Variants in ALDH1A1 observed in about 807,000 individuals in gnomAD.
ALDH1A1 encodes aldehyde dehydrogenase 1A1.
Under a neutral mutation model 62.1 loss-of-function variants are expected in ALDH1A1, and 19 were observed. That is an observed-to-expected ratio of 0.31 (90% CI 0.21 to 0.45). The LOEUF is 0.45. ALDH1A1 is among the 20% of genes least tolerant of loss of function. The pLI is 1.00. For synonymous variants in ALDH1A1, 231 were observed against 215.9 expected (o/e 1.07, Z -0.61); for missense variants, 521 against 607.1 (o/e 0.86, Z 1.49).
At chr9:72,936,667 G>A (rs1830350606) in intron 2 of ALDH1A1, among the ~76,000 whole-genome samples, 1 of 152,120 alleles carries the variant, frequency 6.6e-6, no homozygotes, top group South Asian at 2.1e-4. Flanking sequence ...ATGGCTTATA[G>A]GGCACAGGCT....
At position 72,930,311 on chromosome 9, in the gene ALDH1A1, AT is replaced by A. The variant is rs200410298; in HGVS notation, c.312+567del. Among the ~76,000 whole-genome samples the A allele has an allele frequency of 1.6e-4, 24 of 152,162 alleles. No individual in the cohort carries two copies. The East Asian group carries it at 1.9e-3, about 12-fold the overall frequency. On this transcript the variant is annotated intron_variant, in intron 3 of 12. Transcript: ENST00000297785. ...TTTGATAAACCACATTAATAATTGG[AT>A]TTTTTTTATTTTTTGCCTCTTTCAT...
Position 72,922,991 on chromosome 9 carries a change from A to G in ALDH1A1, c.747+1028T>C, listed in dbSNP as rs557519788. Reference sequence around the variant, plus strand: ...TGATTTTCCACCATTTCTTTTTGCTATGTAAATTTGCCTTTATTCTGGAGT... The same window carrying G: ...TGATTTTCCACCATTTCTTTTTGCTGTGTAAATTTGCCTTTATTCTGGAGT... On this transcript the variant is annotated intron_variant, in intron 7 of 12. Coordinates refer to ENST00000297785, the MANE Select transcript of ALDH1A1 (RefSeq NM_000689.5). 8.5e-5 allele frequency among the ~76,000 whole-genome samples: 13 copies of G among 152,314 alleles called. No homozygotes were observed. The South Asian group carries it at 2.1e-3, about 24-fold the overall frequency.
intron 1 of ALDH1A1, among the ~76,000 whole-genome samples, chr9:72,941,804 A>T (rs1830418682): frequency 6.6e-6 from 1 of 152,180 alleles, no homozygotes; most frequent in African/African-American, 2.4e-5. Flanking sequence ...CATACAAGAA[A>T]ACAGCATTAT....
chr9:72,930,759 AT>A, intron 3 of ALDH1A1, 119 bp downstream of exon 3: 3 of 1,209,740 alleles, frequency 2.5e-6, no homozygotes, highest in Middle Eastern at 2.7e-4. Flanking sequence ...GGGACAAAAA[AT>A]GTTTTCATTT....
intron 7 of ALDH1A1, among the ~76,000 whole-genome samples, chr9:72,920,669 T>G (rs953061665): frequency 1.3e-5 from 2 of 152,210 alleles, no homozygotes; most frequent in African/African-American, 4.8e-5. Flanking sequence ...CAAGTTTAGA[T>G]GGCAAATAAA....
At chr9:72,921,131 C>T (rs373402034) in intron 7 of ALDH1A1, among the ~76,000 whole-genome samples, 2 of 151,580 alleles carry the variant, frequency 1.3e-5, no homozygotes, top group Admixed American at 1.3e-4. Flanking sequence ...CCTGTAGTCC[C>T]AGCTACTCGG....
intron 2 of ALDH1A1, among the ~76,000 whole-genome samples, chr9:72,937,706 T>A (rs557070763): frequency 6.6e-6 from 1 of 152,234 alleles, no homozygotes; most frequent in South Asian, 2.1e-4. Context: ...AAGTTGAAAG[T>A]CTTAAGTTAA....
chr9:72,900,957 A>G lies in ALDH1A1; in HGVS notation c.*251T>C. The G allele has an allele frequency of 3.0e-6, 1 of 331,128 alleles. No individual in the cohort carries two copies. The highest frequency in any genetic ancestry group is 8.6e-4 in the Middle Eastern group (1 of 1,158). The allele number at this position is 331,128 out of a possible 1,614,324, so 20.5% of individuals were successfully genotyped here. Reference sequence around the variant, plus strand: ...AATCACATAACTATGACAAAGCTAGAGAGATCATACATCCGAATTTGTCTT... The same window carrying G: ...AATCACATAACTATGACAAAGCTAGGGAGATCATACATCCGAATTTGTCTT... On this transcript the variant is annotated 3_prime_UTR_variant, in exon 13 of 13. Coordinates refer to ENST00000297785, the MANE Select transcript of ALDH1A1 (RefSeq NM_000689.5).
At chr9:72,909,581 C>T in intron 11 of ALDH1A1, 21 bp downstream of exon 11, 1 of 1,591,902 alleles carries the variant, frequency 6.3e-7, no homozygotes, top group Non-Finnish European at 8.5e-7. Context: ...GAAAAGGCTA[C>T]ATTCCTTAGG....
At chr9:72,922,893 C>T (rs1244540180) in intron 7 of ALDH1A1, among the ~76,000 whole-genome samples, 2 of 152,112 alleles carry the variant, frequency 1.3e-5, no homozygotes, top group Non-Finnish European at 2.9e-5. Flanking sequence ...TTTTACTCTA[C>T]GTCTGTGAAA....
chr9:72,906,311 T>C (rs1264922163), intron 11 of ALDH1A1, among the ~76,000 whole-genome samples: 1 of 152,180 alleles, frequency 6.6e-6, no homozygotes. Flanking sequence ...TTATAAAAGA[T>C]AGAATAGTCA....
rs767412568 is a variant in ALDH1A1 at position 72,926,936 on chromosome 9, G to A, written c.504+180C>T. On this transcript the variant is annotated intron_variant, in intron 5 of 12. Transcript: ENST00000297785. ...TATGCCAGAATATAGATAGGTTTTC[G>A]GACTACCTAATTCATATGCAAGAAG... is the stretch of plus-strand genomic sequence containing the variant. 49 of 488,096 alleles carry A rather than the reference G, an allele frequency of 1.0e-4. 1 individual carries two copies. Among genetic ancestry groups the A allele is most frequent in the African/African-American group, 1.9e-4 (10 of 51,452 alleles). 30.2% of individuals were successfully genotyped at this position (488,096 alleles called of 1,614,324 possible). A position where few individuals can be genotyped will look rare whatever the true frequency, so the allele number is the denominator to read the frequency against.
chr9:72,905,867 T>A, intron 12 of ALDH1A1, 91 bp downstream of exon 12: 1 of 1,080,776 alleles, frequency 9.3e-7, no homozygotes, highest in Non-Finnish European at 1.3e-6. Context: ...AGGCAGGTTT[T>A]ATGTAAGGTG....
At chr9:72,917,730 C>T (rs1424487) in intron 8 of ALDH1A1, among the ~76,000 whole-genome samples, 7,320 of 151,978 alleles carry the variant, frequency 0.048, 588 homozygotes, top group African/African-American at 0.16. Flanking sequence ...TTATTTTAGG[C>T]GATAAAATGT....
intron 6 of ALDH1A1, 73 bp from the exon 7 acceptor site, chr9:72,924,205 T>C (rs1298523592): frequency 2.8e-6 from 3 of 1,072,010 alleles, no homozygotes; most frequent in Admixed American, 2.4e-5. Flanking sequence ...GGGATTGAGA[T>C]TGTCTCTTAA....
rs1374338644 is a variant in ALDH1A1, at chr9:72,908,520, A to AAAGAAAGAAAGAAAGAAAGAAAAGAAAG, written c.1358+1081_1358+1082insCTTTCTTTTCTTTCTTTCTTTCTTTCTT. Reference sequence around the variant, plus strand: ...AGAGAGAGAGACGAAAGAAAGAAAGAAAGAAAGAAAGAAAGAAAGAAAGAA... The same window carrying AAAGAAAGAAAGAAAGAAAGAAAAGAAAG: ...AGAGAGAGAGACGAAAGAAAGAAAGAAAGAAAGAAAGAAAGAAAGAAAAGAAAGAAGAAAGAAAGAAAGAAAGAAAGAA... On this transcript the variant is annotated intron_variant, in intron 11 of 12. Coordinates refer to ENST00000297785, the MANE Select transcript of ALDH1A1 (RefSeq NM_000689.5). Among the ~76,000 whole-genome samples, 106 of 140,492 alleles carry AAAGAAAGAAAGAAAGAAAGAAAAGAAAG rather than the reference A, an allele frequency of 7.5e-4. 4 individuals are homozygous for AAAGAAAGAAAGAAAGAAAGAAAAGAAAG. Among genetic ancestry groups the AAAGAAAGAAAGAAAGAAAGAAAAGAAAG allele is most frequent in the Non-Finnish European group, 1.4e-3 (88 of 65,062 alleles). 92.2% of individuals were successfully genotyped at this position (140,492 alleles called of 152,430 possible).
chr9:72,940,251 A>T lies in ALDH1A1; in HGVS notation c.68T>A (p.Ile23Asn). 1 of 1,610,632 alleles carries T rather than the reference A, an allele frequency of 6.2e-7. No homozygotes were observed. The highest frequency in any genetic ancestry group is 8.5e-7 in the Non-Finnish European group (1 of 1,177,162). ...ATCATGCCATTCATTGTTTATGAAGATCTGTAGAGATGAAGAGAAAATACA... is the reference window on the plus strand; with the variant it reads ...ATCATGCCATTCATTGTTTATGAAGTTCTGTAGAGATGAAGAGAAAATACA... ...LTDLKIQYTK[I>N]FINNEWHDSV... The change falls in exon 2 of 13, where the codon ATC becomes AAC. Residue 23 changes from isoleucine (I) to asparagine (N), a missense_variant and splice_region_variant. Transcript: ENST00000297785.
intron 9 of ALDH1A1, among the ~76,000 whole-genome samples, chr9:72,913,979 G>T (rs1830025967): frequency 6.6e-6 from 1 of 152,192 alleles, no homozygotes; most frequent in Non-Finnish European, 1.5e-5. Context: ...AAGGCATCAG[G>T]CTGACCATAT....
chr9:72,938,045 A>T (rs973045058), intron 2 of ALDH1A1, among the ~76,000 whole-genome samples: 2 of 152,120 alleles, frequency 1.3e-5, no homozygotes, highest in Admixed American at 1.3e-4. Context: ...GTCTGTCACT[A>T]TCTTGGAATA....
Sources: allele counts gnomAD v4.1 joint callset (sites outside exome capture counted in the v4.1 genomes callset), GRCh38; gene constraint gnomAD v4.1.1; transcripts MANE v1.5; gene names NCBI Gene and HGNC (gene_info 2026-07-23, HGNC 2026-07-21).